Variants in ZMYM6 observed in about 807,000 individuals in gnomAD.
The protein encoded by ZMYM6 is zinc finger MYM-type containing 6.
A neutral mutation model predicts 134.0 loss-of-function variants in ZMYM6; 90 were observed. That is an observed-to-expected ratio of 0.67 (90% CI 0.57 to 0.80). The LOEUF is 0.80. Among genes scored for constraint, ZMYM6 ranks in the 30% least tolerant of loss-of-function variants. ZMYM6 has a pLI of 0.00. For missense variants in ZMYM6, 1,362 were observed against 1,533.9 expected, an observed-to-expected ratio of 0.89 and a Z score of 1.87; for synonymous variants, 481 against 524.1, an observed-to-expected ratio of 0.92 and a Z score of 1.12.
In ZMYM6 at chr1:35,012,126, T is replaced by C. The variant is rs904141854; in HGVS notation, c.947-121A>G. Reference sequence around the variant, plus strand: ...AATATACCAAAAAAATCAAGGAACTTTATAAAAATCTGAAATCTAACCACA... The same window carrying C: ...AATATACCAAAAAAATCAAGGAACTCTATAAAAATCTGAAATCTAACCACA... On this transcript the variant is annotated intron_variant, in intron 7 of 15. Coordinates refer to ENST00000357182, the MANE Select transcript of ZMYM6 (RefSeq NM_007167.4). 7.6e-5 allele frequency: 52 copies of C among 684,128 alleles called. 1 individual carries two copies. Among genetic ancestry groups the C allele is most frequent in the Non-Finnish European group, 1.1e-4 (47 of 443,360 alleles). 42.4% of individuals were successfully genotyped at this position (684,128 alleles called of 1,614,324 possible).
At chr1:35,025,134 G>T (rs952085139) in intron 2 of ZMYM6, among the ~76,000 whole-genome samples, 4 of 147,966 alleles carry the variant, frequency 2.7e-5, no homozygotes, top group Non-Finnish European at 6.0e-5. Context: ...GCCTCCCAAA[G>T]TGCTGGGATT....
intron 2 of ZMYM6, among the ~76,000 whole-genome samples, chr1:35,021,760 T>C (rs2148459510): frequency 6.6e-6 from 1 of 152,370 alleles, no homozygotes; most frequent in South Asian, 2.1e-4. Flanking sequence ...CTGCTCATTA[T>C]ACATAAAATC....
At chr1:35,026,656 T>C (rs755326846) in intron 2 of ZMYM6, among the ~76,000 whole-genome samples, 1 of 152,232 alleles carries the variant, frequency 6.6e-6, no homozygotes, top group Non-Finnish European at 1.5e-5. Flanking sequence ...CATTATTTGT[T>C]AAGTGTATAG....
chr1:35,009,055 C>A, intron 10 of ZMYM6, 131 bp from the exon 11 acceptor site: 1 of 915,170 alleles, frequency 1.1e-6, no homozygotes, highest in Non-Finnish European at 1.6e-6. Flanking sequence ...CTCTAGATTA[C>A]AGGACAGTCT....
chr1:35,010,674 C>T (rs1230005061), intron 9 of ZMYM6, 77 bp from the exon 10 acceptor site: 1 of 1,544,138 alleles, frequency 6.5e-7, no homozygotes, highest in Non-Finnish European at 8.7e-7. Flanking sequence ...CATGTCAAAG[C>T]AAATTGAGTG....
intron 2 of ZMYM6, among the ~76,000 whole-genome samples, chr1:35,027,307 TCATCA>T (rs1381481748): frequency 6.6e-6 from 1 of 152,170 alleles, no homozygotes; most frequent in African/African-American, 2.4e-5. Context: ...GATCTTTGCT[TCATCA>T]CACTGGAGGA....
intron 12 of ZMYM6, 60 bp from the exon 13 acceptor site, chr1:35,005,332 C>A: frequency 6.5e-7 from 1 of 1,533,744 alleles, no homozygotes; most frequent in South Asian, 1.2e-5. Flanking sequence ...CTCATACACA[C>A]TCACACTCAC....
At chr1:35,004,565 C>T (rs1450210583) in intron 13 of ZMYM6, among the ~76,000 whole-genome samples, 4 of 151,686 alleles carry the variant, frequency 2.6e-5, no homozygotes, top group Admixed American at 6.6e-5. Flanking sequence ...GCCCAGATTG[C>T]GCCACTGCAC....
chr1:34,992,050 T>G (rs769678680), intron 15 of ZMYM6, 184 bp downstream of exon 15: 23 of 750,786 alleles, frequency 3.1e-5, no homozygotes, highest in Non-Finnish European at 3.1e-5. Flanking sequence ...CTTGTTATGA[T>G]AGCTGGTTAT....
chr1:34,996,262 TGAG>T (rs1163533068), intron 14 of ZMYM6, among the ~76,000 whole-genome samples: 1 of 152,178 alleles, frequency 6.6e-6, no homozygotes, highest in Non-Finnish European at 1.5e-5. Context: ...TATTTCTCAA[TGAG>T]TGAAAAATTA....
intron 10 of ZMYM6, among the ~76,000 whole-genome samples, chr1:35,010,032 CAA>C (rs1367259584): frequency 3.3e-5 from 5 of 150,584 alleles, no homozygotes; most frequent in African/African-American, 7.3e-5. Flanking sequence ...TTTTTGGAGA[CAA>C]GAGTTTCGCT....
intron 14 of ZMYM6, among the ~76,000 whole-genome samples, chr1:34,995,003 AT>A (rs1306777566): frequency 2.2e-5 from 3 of 135,984 alleles, no homozygotes; most frequent in East Asian, 2.0e-4. Flanking sequence ...GTATATATGT[AT>A]ACATATATAC....
At chr1:35,011,763 G>T in intron 8 of ZMYM6, 127 bp downstream of exon 8, 3 of 593,124 alleles carry the variant, frequency 5.1e-6, no homozygotes, top group Non-Finnish European at 7.7e-6. Context: ...GCCCCTGGAT[G>T]AAACAAATTT....
intron 4 of ZMYM6, chr1:35,018,070 T>G (rs1641235964): frequency 6.6e-6 from 1 of 152,160 alleles, no homozygotes. Context: ...CCTGGCCACA[T>G]GTGATGGCTC....
At chr1:35,027,646 G>A (rs985715534) in intron 2 of ZMYM6, among the ~76,000 whole-genome samples, 2 of 152,008 alleles carry the variant, frequency 1.3e-5, no homozygotes, top group African/African-American at 4.8e-5. Flanking sequence ...GCTGAGATGG[G>A]AGGATCGTTT....
At position 35,007,111 on chromosome 1, in the gene ZMYM6, T is replaced by C; in HGVS notation, c.1666-13A>G. On this transcript the variant is annotated splice_polypyrimidine_tract_variant and intron_variant, in intron 11 of 15. Coordinates refer to ENST00000357182, the MANE Select transcript of ZMYM6 (RefSeq NM_007167.4). ...CACACTTGGCCATCTGAAAAAGAAA[T>C]GTTAGACAAGATAGGCTTAAAACTA... 1.3e-6 allele frequency: 2 copies of C among 1,585,364 alleles called. No individual in the cohort carries two copies. The highest frequency in any genetic ancestry group is 1.9e-5 in the Admixed American group (1 of 54,044).
At chr1:34,997,231 C>A (rs1284598575) in intron 14 of ZMYM6, among the ~76,000 whole-genome samples, 6 of 152,170 alleles carry the variant, frequency 3.9e-5, no homozygotes, top group Non-Finnish European at 8.8e-5. Context: ...AGTTAAATAT[C>A]TTTGCATATG....
intron 2 of ZMYM6, among the ~76,000 whole-genome samples, chr1:35,023,687 T>G (rs2148460634): frequency 6.6e-6 from 1 of 151,064 alleles, no homozygotes; most frequent in East Asian, 2.0e-4. Context: ...CAGTGGACGA[T>G]CTCGGCTCAC....
chr1:35,006,973 A>T lies in ZMYM6; in HGVS notation c.1791T>A (p.Asn597Lys). The part of the protein sequence containing the change: ...VLEFCHQQIM[N>K]DCLPQNKVNI... ...TACCTTTATTTTGTGGAAGACAGTCATTCATAATTTGCTGATGACAAAACT... is the reference window on the plus strand; with the variant it reads ...TACCTTTATTTTGTGGAAGACAGTCTTTCATAATTTGCTGATGACAAAACT... The change falls in exon 12 of 16, where the codon AAT becomes AAA. Residue 597 changes from asparagine to lysine, a missense_variant. Asn to Lys is a moderately conservative substitution (Grantham distance 94). Transcript: ENST00000357182. 6.2e-7 allele frequency: 1 copy of T among 1,609,006 alleles called. No homozygotes were observed. Among genetic ancestry groups the T allele is most frequent in the Non-Finnish European group, 8.5e-7 (1 of 1,178,586 alleles).
Sources: allele counts gnomAD v4.1 joint callset (sites outside exome capture counted in the v4.1 genomes callset), GRCh38; gene constraint gnomAD v4.1.1; transcripts MANE v1.5; gene names NCBI Gene and HGNC (gene_info 2026-07-23, HGNC 2026-07-21).